GALNTL6: variants seen among roughly 807,000 people sequenced by gnomAD.
GALNTL6 encodes polypeptide N-acetylgalactosaminyltransferase like 6.
In GALNTL6, 46 loss-of-function variants were observed where a neutral mutation model predicts 73.7. That is an observed-to-expected ratio of 0.62 (90% CI 0.49 to 0.80). GALNTL6 has a LOEUF of 0.80. Among genes scored for constraint, GALNTL6 ranks in the 30% least tolerant of loss-of-function variants. The pLI is 0.00. For synonymous variants in GALNTL6, 259 were observed against 263.7 expected (o/e 0.98, Z 0.17); for missense variants, 604 against 755.0 (o/e 0.80, Z 2.34).
At chr4:172,210,968 A>G (rs577858825) in intron 2 of GALNTL6, among the ~76,000 whole-genome samples, 21 of 152,290 alleles carry the variant, frequency 1.4e-4, no homozygotes, top group African/African-American at 4.3e-4. Flanking sequence ...TGTAATTTGA[A>G]TGTTGTTCAA....
intron 3 of GALNTL6, among the ~76,000 whole-genome samples, chr4:172,297,349 C>A (rs1739719947): frequency 6.6e-6 from 1 of 152,112 alleles, no homozygotes; most frequent in Non-Finnish European, 1.5e-5. Context: ...TGCAGAAGCT[C>A]TTTAGTTTAA....
At chr4:172,453,622 C>T (rs542396163) in intron 5 of GALNTL6, among the ~76,000 whole-genome samples, 7 of 152,286 alleles carry the variant, frequency 4.6e-5, no homozygotes, top group Admixed American at 4.6e-4. Flanking sequence ...ATGCTTTTCA[C>T]CATCTGAAAT....
intron 5 of GALNTL6, among the ~76,000 whole-genome samples, chr4:172,406,792 C>A (rs1744253391): frequency 6.6e-6 from 1 of 151,948 alleles, no homozygotes; most frequent in Non-Finnish European, 1.5e-5. Flanking sequence ...TCAAATTTTA[C>A]ATCAAACAAT....
At chr4:171,856,268 A>C (rs1578914935) in intron 2 of GALNTL6, among the ~76,000 whole-genome samples, 1 of 112,656 alleles carries the variant, frequency 8.9e-6, no homozygotes, top group Non-Finnish European at 1.9e-5. Context: ...ACACCCGGCT[A>C]CTTTTTGTAT....
chr4:172,529,916 A>G (rs1325260812), intron 5 of GALNTL6, among the ~76,000 whole-genome samples: 1 of 141,376 alleles, frequency 7.1e-6, no homozygotes, highest in Non-Finnish European at 1.5e-5. Context: ...TATTTATTGT[A>G]TTTTTAGTAG....
intron 2 of GALNTL6, among the ~76,000 whole-genome samples, chr4:172,201,944 G>C (rs972180358): frequency 6.6e-6 from 1 of 152,130 alleles, no homozygotes; most frequent in East Asian, 1.9e-4. Context: ...CGGGGAAATA[G>C]TTGCAGAAGT....
intron 5 of GALNTL6, among the ~76,000 whole-genome samples, chr4:172,395,989 A>G (rs1291604345): frequency 6.6e-6 from 1 of 152,186 alleles, no homozygotes; most frequent in Non-Finnish European, 1.5e-5. Context: ...GTACAGAAGC[A>G]GCAAGTGCTT....
chr4:172,945,792 C>T (rs913232520), intron 9 of GALNTL6, among the ~76,000 whole-genome samples: 2 of 152,164 alleles, frequency 1.3e-5, no homozygotes, highest in African/African-American at 4.8e-5. Context: ...TTCCCACTGA[C>T]TTCAAAGAAG....
chr4:171,855,436 C>T (rs1369515920), intron 2 of GALNTL6, among the ~76,000 whole-genome samples: 2 of 152,160 alleles, frequency 1.3e-5, no homozygotes, highest in African/African-American at 2.4e-5. Context: ...TCCTCCATGT[C>T]TTTTGTGGCT....
rs369913369 is a variant in GALNTL6 at position 172,166,314 on chromosome 4, C to T, written c.139-63342C>T. On this transcript the variant is annotated intron_variant, in intron 2 of 12. Transcript: ENST00000506823. ...TACAATAAGTAGCCAGGCGTGGTGG[C>T]GCATGCCTGTAATCCCAGATACTCT... 9.2e-5 allele frequency among the ~76,000 whole-genome samples: 14 copies of T among 152,106 alleles called. No homozygotes were observed. The East Asian group carries it at 1.6e-3, about 17-fold the overall frequency.
At chr4:172,223,050 AG>A (rs1736738207) in intron 2 of GALNTL6, among the ~76,000 whole-genome samples, 1 of 152,054 alleles carries the variant, frequency 6.6e-6, no homozygotes, top group Non-Finnish European at 1.5e-5. Context: ...AAAAATTTTA[AG>A]ATCTAAATAC....
At chr4:172,132,798 A>G (rs769301048) in intron 2 of GALNTL6, among the ~76,000 whole-genome samples, 1 of 152,162 alleles carries the variant, frequency 6.6e-6, no homozygotes, top group South Asian at 2.1e-4. Context: ...GAAGAAAAAA[A>G]TCTTACTCTT....
chr4:172,651,457 G>A (rs773161452), intron 5 of GALNTL6, among the ~76,000 whole-genome samples: 2 of 152,150 alleles, frequency 1.3e-5, no homozygotes, highest in African/African-American at 4.8e-5. Flanking sequence ...TTTCAATCCC[G>A]AGTGCAGACA....
chr4:172,601,481 A>G (rs1443830295), intron 5 of GALNTL6, among the ~76,000 whole-genome samples: 1 of 152,126 alleles, frequency 6.6e-6, no homozygotes, highest in Admixed American at 6.6e-5. Flanking sequence ...TATAAAAGGC[A>G]GTTCGGCTTC....
At chr4:172,271,805 AG>A (rs561163593) in intron 3 of GALNTL6, among the ~76,000 whole-genome samples, 2 of 152,246 alleles carry the variant, frequency 1.3e-5, no homozygotes, top group South Asian at 4.1e-4. Context: ...GCATGATGAA[AG>A]AAACTAAGCA....
chr4:172,264,817 A>G (rs562058311), intron 3 of GALNTL6, among the ~76,000 whole-genome samples: 23 of 150,470 alleles, frequency 1.5e-4, no homozygotes, highest in Non-Finnish European at 2.8e-4. Flanking sequence ...TATCCTAACT[A>G]TCTACTGGAT....
intron 5 of GALNTL6, among the ~76,000 whole-genome samples, chr4:172,448,933 C>T (rs901163766): frequency 7.9e-5 from 12 of 152,110 alleles, no homozygotes; most frequent in Admixed American, 2.0e-4. Flanking sequence ...TTCACTTTCC[C>T]TTTTAATAAG....
chr4:172,688,532 C>G (rs1044224810), intron 5 of GALNTL6, among the ~76,000 whole-genome samples: 4 of 152,170 alleles, frequency 2.6e-5, no homozygotes, highest in African/African-American at 9.7e-5. Context: ...CCCAAAAATC[C>G]CCCTTATTTC....
chr4:171,975,137 A>G (rs1431375511), intron 2 of GALNTL6, among the ~76,000 whole-genome samples: 2 of 152,196 alleles, frequency 1.3e-5, no homozygotes, highest in African/African-American at 4.8e-5. Context: ...TTTGCTAAGT[A>G]TTGGGCTTAA....
Sources: allele counts gnomAD v4.1 joint callset (sites outside exome capture counted in the v4.1 genomes callset), GRCh38; gene constraint gnomAD v4.1.1; transcripts MANE v1.5; gene names NCBI Gene and HGNC (gene_info 2026-07-23, HGNC 2026-07-21).